GRM8: variants seen among roughly 807,000 people sequenced by gnomAD.
GRM8 encodes the protein metabotropic glutamate receptor 8.
A neutral mutation model predicts 87.2 loss-of-function variants in GRM8; 47 were observed. The ratio of observed to expected loss-of-function variants is 0.54; its 90% CI spans 0.43 to 0.69. The LOEUF (loss-of-function observed/expected upper bound fraction) is 0.69, where lower values mean the gene tolerates loss of function less well. Among genes scored for constraint, GRM8 ranks in the 30% least tolerant of loss-of-function variants. The pLI, the probability that GRM8 is intolerant of heterozygous loss-of-function variation, is 0.00. For missense variants in GRM8, 1,019 were observed against 1,139.2 expected (o/e 0.89, Z 1.52); for synonymous variants, 396 against 404.5 (o/e 0.98, Z 0.25).
intron 2 of GRM8, among the ~76,000 whole-genome samples, chr7:127,133,233 C>A (rs1329867838): frequency 1.3e-5 from 2 of 152,118 alleles, no homozygotes; most frequent in African/African-American, 4.8e-5. Flanking sequence ...GTCTGACCAA[C>A]ATGGTGAAAC....
intron 9 of GRM8, among the ~76,000 whole-genome samples, chr7:126,486,187 G>A (rs1807343207): frequency 6.6e-6 from 1 of 152,004 alleles, no homozygotes; most frequent in African/African-American, 2.4e-5. Flanking sequence ...CTCGTGGTAA[G>A]AGACCACCAA....
At chr7:126,825,593 T>C (rs1372582162) in intron 6 of GRM8, among the ~76,000 whole-genome samples, 1 of 152,120 alleles carries the variant, frequency 6.6e-6, no homozygotes, top group Non-Finnish European at 1.5e-5. Context: ...GCTTTAGGAA[T>C]GGTACTTAAT....
intron 7 of GRM8, among the ~76,000 whole-genome samples, chr7:126,748,599 C>CA (rs1815994263): frequency 7.8e-6 from 1 of 127,520 alleles, no homozygotes; most frequent in Admixed American, 8.2e-5. Context: ...CAGAGCAGGT[C>CA]GGGTTTTTTT....
chr7:126,908,050 A>T (rs1335183521), intron 3 of GRM8, among the ~76,000 whole-genome samples: 1 of 152,194 alleles, frequency 6.6e-6, no homozygotes, highest in Non-Finnish European at 1.5e-5. Flanking sequence ...AAGGAGGAGG[A>T]AAGAATGATT....
At chr7:126,990,647 G>C (rs4540333) in intron 3 of GRM8, among the ~76,000 whole-genome samples, 51,147 of 152,080 alleles carry the variant, frequency 0.34, 8,753 homozygotes, top group Middle Eastern at 0.38. Context: ...TTAAATCCTG[G>C]TTCTGCCTTT....
chr7:126,705,890 T>C (rs1258763388), intron 7 of GRM8, among the ~76,000 whole-genome samples: 1 of 152,168 alleles, frequency 6.6e-6, no homozygotes, highest in East Asian at 1.9e-4. Context: ...GTTTTCACTA[T>C]ATTAATTTCA....
intron 3 of GRM8, among the ~76,000 whole-genome samples, chr7:126,926,299 G>T (rs1423576920): frequency 1.3e-5 from 2 of 152,060 alleles, no homozygotes; most frequent in Non-Finnish European, 2.9e-5. Flanking sequence ...AGAAATTTTT[G>T]CAGCAATATC....
intron 7 of GRM8, among the ~76,000 whole-genome samples, chr7:126,753,787 G>A (rs1016401322): frequency 6.6e-6 from 1 of 151,744 alleles, no homozygotes; most frequent in Non-Finnish European, 1.5e-5. Flanking sequence ...ATACAAAATA[G>A]GCAGGCAGTT....
chr7:127,090,043 C>G (rs1233190910), intron 3 of GRM8, among the ~76,000 whole-genome samples: 5 of 152,202 alleles, frequency 3.3e-5, no homozygotes, highest in African/African-American at 1.2e-4. Flanking sequence ...TTCCCATCCT[C>G]CATGCCTGGG....
intron 2 of GRM8, among the ~76,000 whole-genome samples, chr7:127,240,199 C>G (rs1798207123): frequency 6.6e-6 from 1 of 152,096 alleles, no homozygotes; most frequent in African/African-American, 2.4e-5. Flanking sequence ...AGAGAACTAA[C>G]CAGTCAGTGA....
At chr7:126,512,811 A>C (rs1000465959) in intron 9 of GRM8, 2 of 152,120 alleles carry the variant, frequency 1.3e-5, no homozygotes, top group African/African-American at 4.8e-5. Context: ...TTCCACTCCA[A>C]AATGTCTTTA....
At chr7:127,088,967 C>T (rs980000037) in intron 3 of GRM8, among the ~76,000 whole-genome samples, 10 of 152,256 alleles carry the variant, frequency 6.6e-5, no homozygotes, top group African/African-American at 1.7e-4. Flanking sequence ...CAATTGGAAG[C>T]GAAGCACATC....
intron 3 of GRM8, among the ~76,000 whole-genome samples, chr7:127,085,628 G>A (rs1373009265): frequency 3.3e-5 from 5 of 152,254 alleles, no homozygotes; most frequent in Admixed American, 6.5e-5. Flanking sequence ...GTGTCAGTTC[G>A]TATCCTTTAC....
rs777509537 is a variant in GRM8, at chr7:126,533,809, T to C, written c.1573A>G (p.Arg525Gly). The C allele has an allele frequency of 3.7e-6, 6 of 1,613,884 alleles. No individual in the cohort carries two copies. In the Admixed American group the frequency reaches 1.0e-4, roughly 27 times the overall value. ...VCSLPCKPGE[R>G]KKTVKGVPCC... The stretch of plus-strand genomic sequence containing the variant: ...GGGACCCCTTTCACCGTTTTCTTCC[T>C]CTCCCCTGGCTTACACGGCAGGCTG... The change falls in exon 9 of 11, where the codon AGG becomes GGG. Residue 525 changes from arginine to glycine, a missense_variant. Coordinates refer to ENST00000339582, the MANE Select transcript of GRM8 (RefSeq NM_000845.3).
intron 7 of GRM8, among the ~76,000 whole-genome samples, chr7:126,673,112 C>T (rs1039165734): frequency 6.6e-6 from 1 of 152,128 alleles, no homozygotes; most frequent in Non-Finnish European, 1.5e-5. Flanking sequence ...GGAGGAGCTG[C>T]GGTCCTCCTC....
intron 9 of GRM8, among the ~76,000 whole-genome samples, chr7:126,472,834 C>T (rs1164783131): frequency 6.6e-6 from 1 of 152,150 alleles, no homozygotes; most frequent in Non-Finnish European, 1.5e-5. Flanking sequence ...CCCTGAGTCC[C>T]AGCCATGGCT....
At chr7:127,147,849 A>T (rs1283645186) in intron 2 of GRM8, among the ~76,000 whole-genome samples, 1 of 152,124 alleles carries the variant, frequency 6.6e-6, no homozygotes, top group African/African-American at 2.4e-5. Flanking sequence ...TGCAGCTTTA[A>T]AATGAGTTAA....
intron 3 of GRM8, among the ~76,000 whole-genome samples, chr7:126,945,566 C>T (rs193054941): frequency 3.9e-5 from 6 of 152,184 alleles, no homozygotes; most frequent in Admixed American, 2.0e-4. Context: ...TATAAAACTG[C>T]CTTCAGTCTA....
At chr7:126,567,808 T>A (rs1794363143) in intron 8 of GRM8, among the ~76,000 whole-genome samples, 1 of 152,152 alleles carries the variant, frequency 6.6e-6, no homozygotes, top group Non-Finnish European at 1.5e-5. Flanking sequence ...AAAGAGACTA[T>A]CAACCCTGGA....
Sources: gnomAD v4.1 joint callset for allele counts (sites outside exome capture counted in the v4.1 genomes callset) on GRCh38, gnomAD v4.1.1 for gene constraint, MANE v1.5 for transcripts, NCBI Gene and HGNC (gene_info 2026-07-23, HGNC 2026-07-21) for gene names.